The following CAST variants were observed in gnomAD, a reference collection of about 807,000 sequenced individuals.
CAST encodes the protein calpastatin, also known as MIR583 host.
CAST carries 76 observed loss-of-function variants against 119.6 expected under a neutral mutation model. That is an observed-to-expected ratio of 0.64 (90% confidence interval 0.53 to 0.77). The LOEUF (loss-of-function observed/expected upper bound fraction) is 0.77. CAST is among the 30% of genes least tolerant of loss of function. The probability of loss-of-function intolerance (pLI) is 0.00; values close to 1 mark genes in which losing one functional copy is unlikely to be tolerated. For synonymous variants in CAST, 319 were observed against 331.6 expected (o/e 0.96, Z 0.41); for missense variants, 953 against 946.5 (o/e 1.01, Z -0.09).
the CAST span, among the ~76,000 whole-genome samples, chr5:96,059,874 G>T: frequency 6.6e-6 from 1 of 152,170 alleles, no homozygotes; most frequent in South Asian, 2.1e-4. Context: ...TTATATTCCT[G>T]ATGCAATAGG....
intron 5 of CAST, 143 bp downstream of exon 5, chr5:96,727,002 A>G (rs1759374963): frequency 1.6e-6 from 1 of 624,590 alleles, no homozygotes. Flanking sequence ...GCTGCCCATC[A>G]GCCACATTCT....
At chr5:96,582,312 A>G (rs1488457386) in intron 1 of CAST, among the ~76,000 whole-genome samples, 1 of 152,258 alleles carries the variant, frequency 6.6e-6, no homozygotes, top group East Asian at 1.9e-4. Flanking sequence ...TAGAGGCCAC[A>G]GACTGAAGCT....
intron 1 of CAST, chr5:96,584,738 C>T (rs1746827956): frequency 6.6e-6 from 1 of 152,166 alleles, no homozygotes; most frequent in African/African-American, 2.4e-5. Flanking sequence ...TCAAGTTAAA[C>T]TCAAACTTCC....
the CAST span, among the ~76,000 whole-genome samples, chr5:96,005,232 A>T: frequency 1.3e-5 from 2 of 152,300 alleles, no homozygotes; most frequent in East Asian, 3.9e-4. Context: ...CAAGAGATAG[A>T]TAGGGGATGA....
the CAST span, among the ~76,000 whole-genome samples, chr5:96,396,894 C>G: frequency 6.6e-6 from 1 of 152,196 alleles, no homozygotes; most frequent in Non-Finnish European, 1.5e-5. Context: ...AGATATCTCT[C>G]CAAACATTAA....
chr5:96,273,157 A>T, the CAST span, among the ~76,000 whole-genome samples: 1 of 152,230 alleles, frequency 6.6e-6, no homozygotes, highest in Non-Finnish European at 1.5e-5. Context: ...ACACTGTTCT[A>T]GGGTTGATAT....
At chr5:96,371,976 A>G in the CAST span, among the ~76,000 whole-genome samples, 17 of 152,268 alleles carry the variant, frequency 1.1e-4, no homozygotes, top group African/African-American at 3.6e-4. Flanking sequence ...CCTTCCAATA[A>G]TTTGCCCTTG....
At chr5:96,421,361 A>T in the CAST span, among the ~76,000 whole-genome samples, 18 of 150,592 alleles carry the variant, frequency 1.2e-4, no homozygotes, top group African/African-American at 4.4e-4. Flanking sequence ...TGCCCTGGAG[A>T]CTGTGTTGGA....
chr5:96,480,087 T>G, the CAST span, among the ~76,000 whole-genome samples: 2 of 152,156 alleles, frequency 1.3e-5, no homozygotes, highest in East Asian at 3.9e-4. Flanking sequence ...CTAAGAGCTT[T>G]GGAAAAACAT....
the CAST span, among the ~76,000 whole-genome samples, chr5:96,220,186 A>G: frequency 6.6e-6 from 1 of 152,208 alleles, no homozygotes; most frequent in East Asian, 1.9e-4. Flanking sequence ...TTGTCTCCTT[A>G]GTACAAAGAT....
chr5:96,636,655 T>TA (rs1291960922), intron 1 of CAST, among the ~76,000 whole-genome samples: 1 of 152,138 alleles, frequency 6.6e-6, no homozygotes, highest in East Asian at 1.9e-4. Flanking sequence ...AAAAGTAAAA[T>TA]AAAAATGTTG....
At chr5:96,084,972 G>A in the CAST span, among the ~76,000 whole-genome samples, 55 of 152,298 alleles carry the variant, frequency 3.6e-4, no homozygotes, top group African/African-American at 1.3e-3. Flanking sequence ...GAAGACAAAG[G>A]TATAAAGCGA....
At chr5:96,507,441 G>T in the CAST span, among the ~76,000 whole-genome samples, 1 of 152,194 alleles carries the variant, frequency 6.6e-6, no homozygotes, top group African/African-American at 2.4e-5. Flanking sequence ...ATATGAGTCA[G>T]GTGTTCCCAG....
At chr5:96,297,232 G>C in the CAST span, among the ~76,000 whole-genome samples, 3 of 152,220 alleles carry the variant, frequency 2.0e-5, no homozygotes, top group African/African-American at 7.2e-5. Flanking sequence ...TAATATGACT[G>C]AGTGGTTGTC....
intron 1 of CAST, among the ~76,000 whole-genome samples, chr5:96,536,136 T>C (rs1163602789): frequency 1.4e-5 from 2 of 144,912 alleles, no homozygotes; most frequent in Non-Finnish European, 3.0e-5. Context: ...GGCGGGTGAA[T>C]CACCTGAGGT....
the CAST span, among the ~76,000 whole-genome samples, chr5:96,379,099 C>T: frequency 6.6e-6 from 1 of 152,084 alleles, no homozygotes; most frequent in African/African-American, 2.4e-5. Flanking sequence ...GATATTTTCT[C>T]AGAATGGGAT....
the CAST span, among the ~76,000 whole-genome samples, chr5:96,407,339 G>C: frequency 6.6e-6 from 1 of 151,946 alleles, no homozygotes; most frequent in East Asian, 1.9e-4. Flanking sequence ...AGAGCTGAAG[G>C]GTATGAAATA....
intron 1 of CAST, among the ~76,000 whole-genome samples, chr5:96,531,537 A>G (rs976003843): frequency 1.3e-5 from 2 of 152,228 alleles, no homozygotes; most frequent in Non-Finnish European, 1.5e-5. Context: ...TGTAAAATCT[A>G]TAAGTTGGCA....
the CAST span, among the ~76,000 whole-genome samples, chr5:96,013,348 A>T: frequency 6.6e-6 from 1 of 151,826 alleles, no homozygotes; most frequent in African/African-American, 2.4e-5. Context: ...CCACCCATTT[A>T]TACTTTTTGA....
Sources: allele counts gnomAD v4.1 joint callset (sites outside exome capture counted in the v4.1 genomes callset), GRCh38; gene constraint gnomAD v4.1.1; transcripts MANE v1.5; gene names NCBI Gene and HGNC (gene_info 2026-07-23, HGNC 2026-07-21).